The following KCNJ4 variants were observed in gnomAD, a reference collection of about 807,000 sequenced individuals.
The protein encoded by KCNJ4 is inward rectifier potassium channel 4.
KCNJ4 carries 3 observed loss-of-function variants against 25.6 expected under a neutral mutation model. The observed-to-expected ratio is 0.12, with a 90% CI of 0.05 to 0.30. The LOEUF (loss-of-function observed/expected upper bound fraction) is 0.30, where lower values mean the gene tolerates loss of function less well. KCNJ4 is among the 10% of genes least tolerant of loss of function. The pLI, the probability that KCNJ4 is intolerant of heterozygous loss-of-function variation, is 1.00. For synonymous variants in KCNJ4, 257 were observed against 283.9 expected (o/e 0.91, Z 0.95); for missense variants, 286 against 666.8 (o/e 0.43, Z 6.29).
intron 1 of KCNJ4, among the ~76,000 whole-genome samples, chr22:38,430,729 C>A (rs1225088219): frequency 6.6e-6 from 1 of 152,186 alleles, no homozygotes; most frequent in East Asian, 1.9e-4. Flanking sequence ...TTCAGGGAGG[C>A]CTTTCTTTGC....
At chr22:38,445,075 G>A (rs191233526) in intron 1 of KCNJ4, among the ~76,000 whole-genome samples, 157 of 151,844 alleles carry the variant, frequency 1.0e-3, no homozygotes, top group Admixed American at 4.4e-3. Flanking sequence ...GTGTGTGTGC[G>A]TGTGTGTGTG....
At chr22:38,433,648 A>C (rs1043308544) in intron 1 of KCNJ4, among the ~76,000 whole-genome samples, 4 of 152,124 alleles carry the variant, frequency 2.6e-5, no homozygotes, top group Non-Finnish European at 4.4e-5. Context: ...GTAAACATCC[A>C]AAATCTGCAA....
At chr22:38,436,137 C>A (rs2093064822) in intron 1 of KCNJ4, among the ~76,000 whole-genome samples, 1 of 152,170 alleles carries the variant, frequency 6.6e-6, no homozygotes, top group Admixed American at 6.5e-5. Flanking sequence ...TCCCTGCATG[C>A]CCCATCTTTA....
At chr22:38,433,223 G>A (rs982199221) in intron 1 of KCNJ4, among the ~76,000 whole-genome samples, 4 of 152,150 alleles carry the variant, frequency 2.6e-5, no homozygotes, top group Admixed American at 6.5e-5. Flanking sequence ...CAAGGCGGGC[G>A]GATGACCTGA....
In KCNJ4 at chr22:38,432,030, C is replaced by T. The variant is rs767594133; in HGVS notation, c.-39-3859G>A. On this transcript the variant is annotated intron_variant, in intron 1 of 1. Coordinates refer to ENST00000303592, the MANE Select transcript of KCNJ4 (RefSeq NM_152868.3). ...CAACACTTTTGGAGGCTGAAGCGGG[C>T]GGATCACAAGGTCAGGAGTTCAAGA... 3.3e-5 allele frequency among the ~76,000 whole-genome samples: 5 copies of T among 151,394 alleles called. No homozygotes were observed. The South Asian group carries it at 6.2e-4, about 19-fold the overall frequency.
chr22:38,454,788 C>G (rs2089430443), intron 1 of KCNJ4, among the ~76,000 whole-genome samples, 192 bp downstream of exon 1: 1 of 152,052 alleles, frequency 6.6e-6, no homozygotes. Flanking sequence ...GACAGACGGA[C>G]AGAGCCCGCC....
chr22:38,443,640 G>A lies in KCNJ4; in HGVS notation c.-40+11340C>T, dbSNP rs2089353107. Among the ~76,000 whole-genome samples the A allele has an allele frequency of 6.6e-6, 1 of 152,222 alleles. No individual in the cohort carries two copies. ...TGCACTGACTGGTCCACACCTGCAA[G>A]GCAGGTGCTGTCATCATCATCCCAC... On this transcript the variant is annotated intron_variant, in intron 1 of 1. Transcript: ENST00000303592. The surrounding 1 kb of genome is among the most constrained non-coding windows in gnomAD (Gnocchi z 4.1).
chr22:38,434,513 G>A (rs57462980), intron 1 of KCNJ4, among the ~76,000 whole-genome samples: 1 of 152,128 alleles, frequency 6.6e-6, no homozygotes, highest in Non-Finnish European at 1.5e-5. Flanking sequence ...ATGCCGGGGG[G>A]TTGAGGGGTG....
At chr22:38,447,287 G>A (rs2089381682) in intron 1 of KCNJ4, among the ~76,000 whole-genome samples, 1 of 152,206 alleles carries the variant, frequency 6.6e-6, no homozygotes, top group African/African-American at 2.4e-5. Flanking sequence ...CCCCGGAGAT[G>A]GGGAGCTCCC....
At position 38,428,085 on chromosome 22, in the gene KCNJ4, C is replaced by A. The variant is rs375732978; in HGVS notation, c.48G>T (p.Lys16Asn). 10 of 1,613,684 alleles carry A rather than the reference C, an allele frequency of 6.2e-6. No individual in the cohort carries two copies. The highest frequency in any genetic ancestry group is 7.6e-6 in the Non-Finnish European group (9 of 1,179,800). ...RNGQAHVPRR[K>N]RRNRFVKKNG... ...TCTTCTTGACGAAGCGGTTGCGGCGCTTCCGCCGGGGCACGTGGGCCTGGC... is the reference window on the plus strand; with the variant it reads ...TCTTCTTGACGAAGCGGTTGCGGCGATTCCGCCGGGGCACGTGGGCCTGGC... The change falls in exon 2 of 2, where the codon AAG (lysine) becomes AAT (asparagine). Residue 16 changes from lysine (K) to asparagine (N), a missense_variant. Lys to Asn is a moderately conservative substitution (Grantham distance 94). Coordinates refer to ENST00000303592, the MANE Select transcript of KCNJ4 (RefSeq NM_152868.3).
chr22:38,447,795 G>A (rs1023041196), intron 1 of KCNJ4, among the ~76,000 whole-genome samples: 1 of 152,176 alleles, frequency 6.6e-6, no homozygotes, highest in Admixed American at 6.5e-5. Context: ...TCCGGGTGCA[G>A]TGGCTCACCC....
chr22:38,452,501 C>T (rs1301218490), intron 1 of KCNJ4, among the ~76,000 whole-genome samples: 1 of 152,196 alleles, frequency 6.6e-6, no homozygotes, highest in Non-Finnish European at 1.5e-5. Flanking sequence ...AAGTTGAGGG[C>T]TGGCCACTTG....
rs927793600 is a variant in KCNJ4 at position 38,443,429 on chromosome 22, C to T, written c.-40+11551G>A. On this transcript the variant is annotated intron_variant, in intron 1 of 1. Transcript: ENST00000303592. The surrounding 1 kb of genome is among the most constrained non-coding windows in gnomAD (Gnocchi z 4.1). Reference sequence around the variant, plus strand: ...GGACAGTGAAGAGGCATCGCGAACCCGGCACTGCCAAGCCCAAGCCATGCC... The same window carrying T: ...GGACAGTGAAGAGGCATCGCGAACCTGGCACTGCCAAGCCCAAGCCATGCC... Among the ~76,000 whole-genome samples the T allele has an allele frequency of 4.6e-5, 7 of 152,236 alleles. No individual in the cohort carries two copies. The highest frequency in any genetic ancestry group is 1.7e-4 in the African/African-American group (7 of 41,532).
At chr22:38,450,549 G>C (rs1263960080) in intron 1 of KCNJ4, among the ~76,000 whole-genome samples, 1 of 152,056 alleles carries the variant, frequency 6.6e-6, no homozygotes, top group African/African-American at 2.4e-5. Context: ...TGCAGCCCTA[G>C]CTTGGAGCCA....
At chr22:38,454,044 G>A (rs1332481233) in intron 1 of KCNJ4, among the ~76,000 whole-genome samples, 1 of 152,216 alleles carries the variant, frequency 6.6e-6, no homozygotes, top group African/African-American at 2.4e-5. Flanking sequence ...TGAAGCCATG[G>A]AGGTCATGGG....
intron 1 of KCNJ4, among the ~76,000 whole-genome samples, chr22:38,442,841 C>T (rs867280342): frequency 6.6e-6 from 1 of 152,150 alleles, no homozygotes; most frequent in Non-Finnish European, 1.5e-5. Context: ...TTCCCAGGCT[C>T]AAGCGATCCT....
At chr22:38,429,963 A>G (rs547897019) in intron 1 of KCNJ4, among the ~76,000 whole-genome samples, 7 of 152,170 alleles carry the variant, frequency 4.6e-5, no homozygotes, top group Admixed American at 4.6e-4. Context: ...CCAACGCTAT[A>G]ATTTAGAGAT....
chr22:38,440,464 C>T (rs566961225), intron 1 of KCNJ4, among the ~76,000 whole-genome samples: 8 of 152,200 alleles, frequency 5.3e-5, no homozygotes, highest in Admixed American at 2.0e-4. Flanking sequence ...ATCGCTTGAA[C>T]CCAGGAGGCA....
rs912361387 is a variant in KCNJ4 at position 38,450,526 on chromosome 22, A to G, written c.-40+4454T>C. On this transcript the variant is annotated intron_variant, in intron 1 of 1. Coordinates refer to ENST00000303592, the MANE Select transcript of KCNJ4 (RefSeq NM_152868.3). ...CTTCTGCTCCCCTCTCCCTGCGCCGATAACTTTCCTCCTGCAGCCCTAGCT... is the reference window on the plus strand; with the variant it reads ...CTTCTGCTCCCCTCTCCCTGCGCCGGTAACTTTCCTCCTGCAGCCCTAGCT... Among the ~76,000 whole-genome samples the G allele has an allele frequency of 4.6e-5, 7 of 152,036 alleles. No individual in the cohort carries two copies. In the South Asian group the frequency reaches 1.0e-3, roughly 23 times the overall value.
Sources: gnomAD v4.1 joint callset for allele counts (sites outside exome capture counted in the v4.1 genomes callset) on GRCh38, gnomAD v4.1.1 for gene constraint, Gnocchi (gnomAD v3.1) non-coding constraint, MANE v1.5 for transcripts, NCBI Gene and HGNC (gene_info 2026-07-23, HGNC 2026-07-21) for gene names.